Variants in FAT3 observed in about 807,000 individuals in gnomAD.
The protein encoded by FAT3 is FAT atypical cadherin 3.
FAT3 carries 95 observed loss-of-function variants against 310.2 expected under a neutral mutation model. The observed-to-expected ratio is 0.31, with a 90% confidence interval of 0.26 to 0.36. FAT3 has a LOEUF of 0.36. Ranked by LOEUF, FAT3 falls within the 10% of genes least tolerant of loss-of-function variation. The probability of loss-of-function intolerance (pLI) is 1.00; values close to 1 mark genes in which losing one functional copy is unlikely to be tolerated. For synonymous variants in FAT3, 2,314 were observed against 2,192.9 expected (o/e 1.06, Z -1.54); for missense variants, 5,408 against 5,715.6 (o/e 0.95, Z 1.74).
At position 92,801,128 on chromosome 11, in the gene FAT3, G is replaced by C. The variant is rs1414641494; in HGVS notation, c.8115G>C (p.Leu2705Phe). 1.2e-5 allele frequency: 19 copies of C among 1,613,760 alleles called. No individual in the cohort carries two copies. Among genetic ancestry groups the C allele is most frequent in the African/African-American group, 4.0e-5 (3 of 74,884 alleles). The change falls in exon 10 of 28, where the codon TTG becomes TTC. Residue 2705 changes from leucine (L) to phenylalanine (F), a missense_variant. By Grantham distance (22) the Leu-to-Phe change is conservative (BLOSUM62 0). This residue lies in a region of FAT3 where 4,588 missense variants were observed against 4,809.8 expected (regional missense o/e 0.95). Transcript: ENST00000525166. ...YIHVLPPETF[L>F]PSFTQSQYSF... The stretch of plus-strand genomic sequence containing the variant: ...ACGTCTTGCCCCCTGAAACGTTCTT[G>C]CCATCATTCACCCAGTCTCAGTATT...
intron 19 of FAT3, among the ~76,000 whole-genome samples, chr11:92,850,824 A>G (rs2136306696): frequency 6.6e-6 from 1 of 152,330 alleles, no homozygotes; most frequent in South Asian, 2.1e-4. Context: ...GAGGAGAGTC[A>G]TAAATATGGT....
At chr11:92,595,344 C>A (rs979883197) in intron 3 of FAT3, among the ~76,000 whole-genome samples, 1 of 152,120 alleles carries the variant, frequency 6.6e-6, no homozygotes, top group African/African-American at 2.4e-5. Flanking sequence ...CCTTAGATTG[C>A]ATTTCTGAGA....
chr11:92,662,290 T>C (rs7102297), intron 3 of FAT3, among the ~76,000 whole-genome samples: 4,092 of 152,250 alleles, frequency 0.027, 202 homozygotes, highest in African/African-American at 0.093. Flanking sequence ...AGAGGTGGCA[T>C]TTGGGCCTGG....
chr11:92,431,821 T>G (rs1269537626), intron 2 of FAT3, among the ~76,000 whole-genome samples: 17 of 152,220 alleles, frequency 1.1e-4, no homozygotes. Flanking sequence ...ATATGCGGAA[T>G]TATTTCTGAG....
At chr11:92,403,467 G>A (rs1185953428) in intron 2 of FAT3, 1 of 152,212 alleles carries the variant, frequency 6.6e-6, no homozygotes, top group Non-Finnish European at 1.5e-5. Flanking sequence ...ATTGCAGTAT[G>A]TGATTAAGTG....
intron 22 of FAT3, among the ~76,000 whole-genome samples, chr11:92,867,937 GT>G (rs1272636896): frequency 6.6e-6 from 1 of 151,908 alleles, no homozygotes; most frequent in East Asian, 1.9e-4. Flanking sequence ...TTTATAGAGA[GT>G]TTCTTTTGTT....
In FAT3 at chr11:92,799,344, A is replaced by G. The variant is rs1947265705; in HGVS notation, c.6331A>G (p.Lys2111Glu). Reference sequence around the variant, plus strand: ...GATTTATCAGGTGACAGCCATTGACAAAGATAAAGGTCCAAATGGAGAAGT... The same window carrying G: ...GATTTATCAGGTGACAGCCATTGACGAAGATAAAGGTCCAAATGGAGAAGT... The part of the protein sequence containing the change: ...TLIYQVTAID[K>E]DKGPNGEVTY... Residue 2111 changes from lysine (K) to glutamate (E), a missense_variant, in exon 10 of 28, where the codon AAA (lysine) becomes GAA (glutamate). Coordinates refer to ENST00000525166, the MANE Select transcript of FAT3 (RefSeq NM_001367949.2). 1.9e-6 allele frequency: 3 copies of G among 1,613,934 alleles called. No homozygotes were observed. Among genetic ancestry groups the G allele is most frequent in the Non-Finnish European group, 2.5e-6 (3 of 1,179,862 alleles).
intron 3 of FAT3, among the ~76,000 whole-genome samples, chr11:92,562,876 A>G (rs1456452130): frequency 2.6e-5 from 4 of 152,182 alleles, no homozygotes; most frequent in Non-Finnish European, 1.5e-5. Flanking sequence ...GTGAGGGTGG[A>G]TTATTATTCA....
At chr11:92,386,120 GA>G (rs1464411626) in intron 2 of FAT3, among the ~76,000 whole-genome samples, 3 of 152,082 alleles carry the variant, frequency 2.0e-5, no homozygotes, top group African/African-American at 7.2e-5. Context: ...GCCTATGCTG[GA>G]AAGAAAGAAA....
chr11:92,623,248 A>G (rs991517858), intron 3 of FAT3, among the ~76,000 whole-genome samples: 2 of 152,202 alleles, frequency 1.3e-5, no homozygotes, highest in African/African-American at 4.8e-5. Context: ...TGCTTCCCCC[A>G]GTGACCTGTG....
intron 26 of FAT3, 95 bp from the exon 27 acceptor site, chr11:92,889,761 G>A (rs1343055467): frequency 4.2e-6 from 3 of 708,514 alleles, no homozygotes; most frequent in Admixed American, 4.0e-5. Context: ...AGGCCTTTAG[G>A]AGTATGTTTT....
intron 9 of FAT3, among the ~76,000 whole-genome samples, chr11:92,794,357 C>A (rs145523150): frequency 6.6e-6 from 1 of 151,948 alleles, no homozygotes; most frequent in Non-Finnish European, 1.5e-5. Context: ...TTTTTCTTTT[C>A]CCCGTATTCA....
intron 3 of FAT3, among the ~76,000 whole-genome samples, chr11:92,631,657 TTTC>T (rs1276651944): frequency 2.0e-5 from 3 of 152,142 alleles, no homozygotes; most frequent in Admixed American, 1.3e-4. Context: ...TTAAACCCGT[TTTC>T]TTTATAAATT....
chr11:92,880,816 T>C lies in FAT3; in HGVS notation c.12213T>C (p.Asn4071=), dbSNP rs1173063361. 22 of 1,613,948 alleles carry C rather than the reference T, an allele frequency of 1.4e-5. No individual in the cohort carries two copies. Among genetic ancestry groups the C allele is most frequent in the Non-Finnish European group, 1.8e-5 (21 of 1,179,874 alleles). ...ITACFPNPCR[N]GGSCDPIGNT... ...CCTGCTTCCCAAACCCCTGCCGGAA[T>C]GGAGGATCCTGCGATCCAATAGGAA... The change falls in exon 23 of 28, where the codon AAT becomes AAC. Residue 4071 remains asparagine (N), a synonymous_variant. Transcript: ENST00000525166.
At chr11:92,657,956 T>C (rs1226449198) in intron 3 of FAT3, among the ~76,000 whole-genome samples, 2 of 152,214 alleles carry the variant, frequency 1.3e-5, no homozygotes. Context: ...GAGCCATATA[T>C]GTAATTTTAA....
At chr11:92,564,284 C>A (rs1400659232) in intron 3 of FAT3, among the ~76,000 whole-genome samples, 1 of 151,222 alleles carries the variant, frequency 6.6e-6, no homozygotes, top group African/African-American at 2.4e-5. Context: ...TCAAAAGAGA[C>A]AAAGAAGGCC....
At position 92,338,569 on chromosome 11, in the gene FAT3, G is replaced by A. The variant is rs567208629; in HGVS notation, c.-17-13527G>A. Among the ~76,000 whole-genome samples the A allele has an allele frequency of 2.0e-5, 3 of 152,230 alleles. No homozygotes were observed. In the East Asian group the frequency reaches 5.8e-4, roughly 29 times the overall value. On this transcript the variant is annotated intron_variant, in intron 1 of 27. Coordinates refer to ENST00000525166, the MANE Select transcript of FAT3 (RefSeq NM_001367949.2). The stretch of plus-strand genomic sequence containing the variant: ...GAAAAGTGAGGCCACTCGAAGGCCT[G>A]GGAGGCTGTGGTCTTGGTAGTCAAG...
At chr11:92,296,266 A>C (rs568088161) in intron 1 of FAT3, among the ~76,000 whole-genome samples, 12 of 152,126 alleles carry the variant, frequency 7.9e-5, no homozygotes, top group Non-Finnish European at 1.8e-4. Flanking sequence ...TTGGAGTTGG[A>C]AAATACTGAA....
intron 3 of FAT3, among the ~76,000 whole-genome samples, chr11:92,536,070 T>C (rs1277040028): frequency 6.6e-6 from 1 of 152,226 alleles, no homozygotes; most frequent in Non-Finnish European, 1.5e-5. Flanking sequence ...GTTACCACTT[T>C]ATATTCTGAT....
Sources: allele counts gnomAD v4.1 joint callset (sites outside exome capture counted in the v4.1 genomes callset), GRCh38; gene constraint gnomAD v4.1.1; regional missense constraint gnomAD v4.1.1; transcripts MANE v1.5; gene names NCBI Gene and HGNC (gene_info 2026-07-23, HGNC 2026-07-21).